CFAP68: variants seen among roughly 807,000 people sequenced by gnomAD.
CFAP68 encodes cilia- and flagella-associated protein 68.
the CFAP68 span, chr11:111,883,625 A>T: frequency 1.5e-6 from 1 of 659,218 alleles, no homozygotes. Flanking sequence ...GTGAATAACT[A>T]CATGAATGAG....
the CFAP68 span, chr11:111,880,746 T>C: frequency 2.2e-6 from 1 of 456,270 alleles, no homozygotes; most frequent in South Asian, 1.5e-5. Flanking sequence ...TTCCTTATGC[T>C]TTATAGACTC....
At chr11:111,883,828 G>A in the CFAP68 span, 58 of 1,613,282 alleles carry the variant, frequency 3.6e-5, no homozygotes, top group Admixed American at 1.7e-4. Context: ...GATCCTCCCC[G>A]ATACAAATGC....
At chr11:111,883,332 G>A in the CFAP68 span, 11,147 of 755,212 alleles carry the variant, frequency 0.015, 894 homozygotes, top group African/African-American at 0.17. Flanking sequence ...GCTCACACCT[G>A]TAACCCCAGC....
the CFAP68 span, chr11:111,882,381 C>T: frequency 6.2e-7 from 1 of 1,613,886 alleles, no homozygotes; most frequent in South Asian, 1.1e-5. Flanking sequence ...CAGAACCTCG[C>T]CTGTTTCCTC....
chr11:111,881,239 A>G, the CFAP68 span: 5 of 1,377,872 alleles, frequency 3.6e-6, no homozygotes, highest in African/African-American at 7.3e-5. Context: ...CTAGATCTCC[A>G]GTATGAGTAC....
chr11:111,880,187 C>T, the CFAP68 span, among the ~76,000 whole-genome samples: 18 of 152,246 alleles, frequency 1.2e-4, no homozygotes, highest in African/African-American at 3.9e-4. Flanking sequence ...GTTTTTCAAC[C>T]CACACCACCC....
the CFAP68 span, chr11:111,885,524 A>T: frequency 6.6e-6 from 1 of 152,224 alleles, no homozygotes; most frequent in South Asian, 2.1e-4. Context: ...GGTATTTATA[A>T]GGATTTGAGA....
chr11:111,884,147 C>G, the CFAP68 span: 2 of 301,866 alleles, frequency 6.6e-6, no homozygotes, highest in South Asian at 8.9e-5. Context: ...CAACTCAGTT[C>G]TACATTTGGG....
the CFAP68 span, chr11:111,881,317 C>T: frequency 2.1e-6 from 3 of 1,445,608 alleles, no homozygotes; most frequent in Non-Finnish European, 1.8e-6. Context: ...TCAGTGCATG[C>T]ATCTGTCTTC....
chr11:111,881,595 A>G, the CFAP68 span: 1 of 1,535,206 alleles, frequency 6.5e-7, no homozygotes, highest in Non-Finnish European at 8.7e-7. Flanking sequence ...CTCAGCATCA[A>G]GTTACTCTTC....
At chr11:111,883,071 G>T in the CFAP68 span, 17 of 1,187,520 alleles carry the variant, frequency 1.4e-5, no homozygotes, top group Non-Finnish European at 1.6e-5. Context: ...ATGTCATATT[G>T]ATCTTTATTT....
chr11:111,882,744 C>T, the CFAP68 span: 40 of 726,084 alleles, frequency 5.5e-5, no homozygotes, highest in Middle Eastern at 7.6e-4. Flanking sequence ...AGGAACAGTC[C>T]GCAGCTGAAC....
At chr11:111,882,226 A>G in the CFAP68 span, 13 of 687,050 alleles carry the variant, frequency 1.9e-5, no homozygotes, top group Non-Finnish European at 2.9e-5. Context: ...TTAGAGAAGA[A>G]GAAACAGAAC....
At chr11:111,879,760 A>C in the CFAP68 span, among the ~76,000 whole-genome samples, 1 of 152,338 alleles carries the variant, frequency 6.6e-6, no homozygotes, top group South Asian at 2.1e-4. Flanking sequence ...GCACAGAGCA[A>C]AACAGGCAAC....
chr11:111,881,111 C>A, the CFAP68 span: 1 of 889,004 alleles, frequency 1.1e-6, no homozygotes, highest in Non-Finnish European at 1.5e-6. Flanking sequence ...ATCAACAAGA[C>A]TTAGTGACTG....
chr11:111,884,007 A>G, the CFAP68 span: 2 of 664,022 alleles, frequency 3.0e-6, no homozygotes, highest in Non-Finnish European at 5.0e-6. Flanking sequence ...TTCTAAGTAC[A>G]GCTAAAAATT....
the CFAP68 span, chr11:111,882,284 G>A: frequency 8.7e-5 from 97 of 1,120,182 alleles, no homozygotes; most frequent in Non-Finnish European, 1.2e-4. Context: ...GTTATACCTG[G>A]CTATGTAAAA....
chr11:111,883,245 A>G, the CFAP68 span: 1 of 1,472,994 alleles, frequency 6.8e-7, no homozygotes, highest in South Asian at 1.2e-5. Context: ...TTCAGAACCT[A>G]ACTCAGTGAC....
At chr11:111,879,666 C>T in the CFAP68 span, 1 of 1,550,466 alleles carries the variant, frequency 6.4e-7, no homozygotes, top group Non-Finnish European at 8.9e-7. Flanking sequence ...TATTGCGTGC[C>T]AGGCCACTGT....
Sources: allele counts gnomAD v4.1 joint callset (sites outside exome capture counted in the v4.1 genomes callset), GRCh38; gene constraint gnomAD v4.1.1; transcripts MANE v1.5; gene names NCBI Gene and HGNC (gene_info 2026-07-23, HGNC 2026-07-21).